The following ST8SIA4 variants were observed in gnomAD, a reference collection of about 807,000 sequenced individuals.
ST8SIA4 encodes ST8 alpha-N-acetyl-neuraminide alpha-2,8-sialyltransferase 4.
In ST8SIA4, 15 loss-of-function variants were observed where a neutral mutation model predicts 33.9. The observed-to-expected ratio is 0.44, with a 90% confidence interval of 0.30 to 0.68. The LOEUF is 0.68. ST8SIA4 is among the 30% of genes least tolerant of loss of function. ST8SIA4 has a pLI of 0.10. For missense variants in ST8SIA4, 321 were observed against 428.0 expected (o/e 0.75, Z 2.21); for synonymous variants, 171 against 151.2 (o/e 1.13, Z -0.96).
Position 100,902,853 on chromosome 5 carries a change from G to C in ST8SIA4, c.103C>G (p.Gln35Glu). ...IARTEEHQET[Q>E]LIGDGELSLS... ...AAGCTTTGCATTTACCCGATGAGTT[G>C]CGTCTCCTGGTGCTCCTCAGTTCTT... Residue 35 changes from glutamine (Q) to glutamate (E), a missense_variant, in exon 1 of 5, where the codon CAA becomes GAA. Physicochemically the swap from Gln to Glu is conservative, Grantham distance 29. Coordinates refer to ENST00000231461, the MANE Select transcript of ST8SIA4 (RefSeq NM_005668.6). 6.2e-7 allele frequency: 1 copy of C among 1,613,516 alleles called. No homozygotes were observed. The highest frequency in any genetic ancestry group is 1.3e-5 in the African/African-American group (1 of 75,016).
intron 4 of ST8SIA4, among the ~76,000 whole-genome samples, chr5:100,841,681 C>T (rs1323397616): frequency 1.3e-5 from 2 of 151,808 alleles, no homozygotes; most frequent in African/African-American, 2.4e-5. Context: ...GTTCAAGACA[C>T]CAAAAACCTA....
chr5:100,836,161 T>C (rs1751358265), intron 4 of ST8SIA4, among the ~76,000 whole-genome samples: 1 of 152,116 alleles, frequency 6.6e-6, no homozygotes, highest in Non-Finnish European at 1.5e-5. Context: ...TAAGCCTTAT[T>C]TAGCACTTAT....
intron 4 of ST8SIA4, chr5:100,849,387 A>G: frequency 1.0e-6 from 1 of 985,416 alleles, no homozygotes; most frequent in Non-Finnish European, 1.2e-6. Context: ...ATTCTTCAAA[A>G]TTCTCTACGT....
At position 100,811,941 on chromosome 5, in the gene ST8SIA4, C is replaced by T. The variant is rs1750824879; in HGVS notation, c.986G>A (p.Ser329Asn). 1 of 1,614,054 alleles carries T rather than the reference C, an allele frequency of 6.2e-7. No individual in the cohort carries two copies. Among genetic ancestry groups the T allele is most frequent in the Non-Finnish European group, 8.5e-7 (1 of 1,179,970 alleles). Residue 329 changes from serine (S) to asparagine (N), a missense_variant, in exon 5 of 5, where the codon AGC becomes AAC. By Grantham distance (46) the Ser-to-Asn change is conservative. Coordinates refer to ENST00000231461, the MANE Select transcript of ST8SIA4 (RefSeq NM_005668.6). ...DLKYRYFSNASPHRMPLEFKT... is the reference protein window; with the variant it reads ...DLKYRYFSNANPHRMPLEFKT... The stretch of plus-strand genomic sequence containing the variant: ...GAATTCTAATGGCATTCTGTGAGGG[C>T]TTGCATTGGAAAAGTACCTATATTT...
At chr5:100,869,561 G>A (rs1387660285) in intron 3 of ST8SIA4, among the ~76,000 whole-genome samples, 1 of 151,882 alleles carries the variant, frequency 6.6e-6, no homozygotes. Flanking sequence ...TTATTTATCT[G>A]TTTATTATTA....
intron 2 of ST8SIA4, among the ~76,000 whole-genome samples, chr5:100,891,958 T>C (rs1264736564): frequency 6.6e-6 from 1 of 152,082 alleles, no homozygotes; most frequent in Non-Finnish European, 1.5e-5. Context: ...GAAATTTTTC[T>C]TGTCAGTTAA....
intron 4 of ST8SIA4, among the ~76,000 whole-genome samples, chr5:100,834,708 C>G (rs1224788917): frequency 1.3e-5 from 2 of 151,944 alleles, no homozygotes; most frequent in Admixed American, 1.3e-4. Context: ...TGAGTGGGTT[C>G]TCACAGGATA....
intron 3 of ST8SIA4, among the ~76,000 whole-genome samples, chr5:100,869,329 C>G (rs961307451): frequency 2.0e-5 from 3 of 152,088 alleles, no homozygotes; most frequent in Non-Finnish European, 4.4e-5. Flanking sequence ...ATCAAAAACT[C>G]TAGCCATATT....
At chr5:100,870,958 G>A (rs552385051) in intron 3 of ST8SIA4, among the ~76,000 whole-genome samples, 3 of 152,148 alleles carry the variant, frequency 2.0e-5, no homozygotes, top group Non-Finnish European at 2.9e-5. Context: ...TATTAGATAA[G>A]CAATGTTACT....
At chr5:100,844,463 C>T (rs753573448) in intron 4 of ST8SIA4, among the ~76,000 whole-genome samples, 21 of 152,006 alleles carry the variant, frequency 1.4e-4, no homozygotes, top group Middle Eastern at 6.8e-3. Context: ...TTGGGACACA[C>T]ATTGATGAGG....
At chr5:100,819,474 A>C (rs1042924103) in intron 4 of ST8SIA4, among the ~76,000 whole-genome samples, 2 of 152,206 alleles carry the variant, frequency 1.3e-5, no homozygotes, top group Non-Finnish European at 2.9e-5. Context: ...TAAATTGAAC[A>C]CTCAAAAAAA....
intron 4 of ST8SIA4, among the ~76,000 whole-genome samples, chr5:100,851,428 A>G (rs1751695014): frequency 6.6e-6 from 1 of 152,118 alleles, no homozygotes. Flanking sequence ...ACAAATGAGA[A>G]GTACTACAAA....
Position 100,856,409 on chromosome 5 carries a change from A to G in ST8SIA4, c.504-13T>C. ...AGCTAGATTACACCTGAAGAGGAAA[A>G]AATTAATGGGACAAATGAAAAAAAA... On this transcript the variant is annotated splice_polypyrimidine_tract_variant and intron_variant, in intron 3 of 4. Transcript: ENST00000231461. 2 of 1,594,418 alleles carry G rather than the reference A, an allele frequency of 1.3e-6. No homozygotes were observed. The highest frequency in any genetic ancestry group is 1.7e-6 in the Non-Finnish European group (2 of 1,169,940).
chr5:100,831,617 C>T (rs1751263540), intron 4 of ST8SIA4, among the ~76,000 whole-genome samples: 2 of 152,118 alleles, frequency 1.3e-5, no homozygotes, highest in South Asian at 4.2e-4. Context: ...CATGCAGAGA[C>T]ACAACTCTTC....
At chr5:100,846,221 C>G (rs903552284) in intron 4 of ST8SIA4, among the ~76,000 whole-genome samples, 1 of 151,772 alleles carries the variant, frequency 6.6e-6, no homozygotes, top group Admixed American at 6.6e-5. Context: ...CTACCCAGAT[C>G]GATGAAAAAA....
intron 1 of ST8SIA4, chr5:100,900,471 G>A: frequency 4.4e-6 from 2 of 456,252 alleles, no homozygotes; most frequent in Non-Finnish European, 8.8e-6. Context: ...GCGCTGTTTG[G>A]GAGTTGAAAC....
intron 4 of ST8SIA4, among the ~76,000 whole-genome samples, chr5:100,829,272 C>G (rs528436524): frequency 2.4e-4 from 36 of 152,286 alleles, no homozygotes; most frequent in Admixed American, 1.8e-3. Context: ...AAATAGTTAT[C>G]TATCGGTTTG....
chr5:100,872,660 T>C (rs1752221198), intron 3 of ST8SIA4, among the ~76,000 whole-genome samples: 1 of 152,096 alleles, frequency 6.6e-6, no homozygotes, highest in African/African-American at 2.4e-5. Context: ...CCTGCCACCC[T>C]GTGAAGAGGT....
At position 100,847,834 on chromosome 5, in the gene ST8SIA4, C is replaced by T. The variant is rs531378502; in HGVS notation, c.797+8269G>A. Among the ~76,000 whole-genome samples the T allele has an allele frequency of 9.2e-5, 14 of 152,054 alleles. No individual in the cohort carries two copies. In the East Asian group the frequency reaches 1.9e-3, roughly 21 times the overall value. The stretch of plus-strand genomic sequence containing the variant: ...GAATTGATCATTGTGGTGTAAAGTA[C>T]GGGCACAGGTAGTTTAGAAAGGTAT... On this transcript the variant is annotated intron_variant, in intron 4 of 4. Coordinates refer to ENST00000231461, the MANE Select transcript of ST8SIA4 (RefSeq NM_005668.6).
Sources: allele counts gnomAD v4.1 joint callset (sites outside exome capture counted in the v4.1 genomes callset), GRCh38; gene constraint gnomAD v4.1.1; transcripts MANE v1.5; gene names NCBI Gene and HGNC (gene_info 2026-07-23, HGNC 2026-07-21).